Variants in APLP2 observed in about 807,000 individuals in gnomAD.
APLP2 encodes CDEI box-binding protein.
In APLP2, 53 loss-of-function variants were observed where a neutral mutation model predicts 89.9. The ratio of observed to expected loss-of-function variants is 0.59; its 90% confidence interval spans 0.47 to 0.74. The LOEUF (loss-of-function observed/expected upper bound fraction) is 0.74. Ranked by LOEUF, APLP2 falls within the 30% of genes least tolerant of loss-of-function variation. APLP2 has a pLI of 0.00. For missense variants in APLP2, 973 were observed against 975.9 expected, an observed-to-expected ratio of 1.00 and a Z score of 0.04; for synonymous variants, 372 against 348.6, an observed-to-expected ratio of 1.07 and a Z score of -0.75.
chr11:130,137,600 T>C (rs963193502), intron 13 of APLP2, among the ~76,000 whole-genome samples: 9 of 152,254 alleles, frequency 5.9e-5, no homozygotes, highest in African/African-American at 2.2e-4. Context: ...GGGTAGATTT[T>C]TAGAAGTATA....
intron 13 of APLP2, chr11:130,138,905 G>A (rs1229793646): frequency 6.6e-6 from 1 of 151,998 alleles, no homozygotes; most frequent in African/African-American, 2.4e-5. Context: ...AGTGACAGTA[G>A]ACCTTTAGTT....
chr11:130,105,594 T>C (rs1947585768), intron 1 of APLP2, among the ~76,000 whole-genome samples: 1 of 152,218 alleles, frequency 6.6e-6, no homozygotes, highest in Non-Finnish European at 1.5e-5. Context: ...AAGAAAGTTT[T>C]GCAGTTGGGG....
Position 130,122,614 on chromosome 11 carries a change from G to A in APLP2, c.922+101G>A, listed in dbSNP as rs1169125604. The A allele has an allele frequency of 5.8e-6, 9 of 1,540,586 alleles. No individual in the cohort carries two copies. In the Admixed American group the frequency reaches 1.7e-4, roughly 29 times the overall value. ...CAGGTAAGTCAGTCACAGAAGGAAA[G>A]GTGTGGTACCTCTGCACTGAAGGTG... On this transcript the variant is annotated intron_variant, in intron 6 of 16. Coordinates refer to ENST00000338167, the MANE Select transcript of APLP2 (RefSeq NM_001142276.2).
At chr11:130,132,604 C>G (rs1369437422) in intron 11 of APLP2, among the ~76,000 whole-genome samples, 1 of 134,114 alleles carries the variant, frequency 7.5e-6, no homozygotes, top group Non-Finnish European at 1.6e-5. Flanking sequence ...TTCTAATGGC[C>G]TTTTTTTTTT....
At chr11:130,139,035 G>A (rs1439563246) in intron 13 of APLP2, 1 of 152,162 alleles carries the variant, frequency 6.6e-6, no homozygotes, top group African/African-American at 2.4e-5. Flanking sequence ...TTGGTCATAA[G>A]CATCCTTGCT....
At chr11:130,087,681 A>T (rs1944334000) in intron 1 of APLP2, among the ~76,000 whole-genome samples, 1 of 152,246 alleles carries the variant, frequency 6.6e-6, no homozygotes, top group Non-Finnish European at 1.5e-5. Context: ...ATTTCATAGC[A>T]GAATGGCCCT....
At chr11:130,098,876 A>T (rs565357615) in intron 1 of APLP2, among the ~76,000 whole-genome samples, 8 of 152,290 alleles carry the variant, frequency 5.3e-5, no homozygotes, top group Middle Eastern at 3.4e-3. Context: ...TATTTCTGTC[A>T]TCTGAATCAA....
Position 130,120,762 on chromosome 11 carries a change from A to G in APLP2, c.460A>G (p.Lys154Glu), listed in dbSNP as rs1225043398. The G allele has an allele frequency of 8.1e-6, 13 of 1,613,972 alleles. No individual in the cohort carries two copies. The highest frequency in any genetic ancestry group is 1.0e-5 in the Non-Finnish European group (12 of 1,179,886). The stretch of plus-strand genomic sequence containing the variant: ...TCCAGAAAAGTGCCAGTTTTTCCAC[A>G]AAGAGCGGATGGAGGTGTGTGAGAA... ...LVPEKCQFFH[K>E]ERMEVCENHQ... The change falls in exon 4 of 17, where the codon AAA becomes GAA. Residue 154 changes from lysine (K) to glutamate (E), a missense_variant. By Grantham distance (56) the Lys-to-Glu change is moderately conservative. Transcript: ENST00000338167.
At position 130,071,013 on chromosome 11, in the gene APLP2, A is replaced by G. The variant is rs1235419853; in HGVS notation, c.105+931A>G. ...GGAGGAGCCCTGCTGTGGCCGAGGG[A>G]GACGGCGAGCTTGATCTTTACTTCC... On this transcript the variant is annotated intron_variant, in intron 1 of 16. Coordinates refer to ENST00000338167, the MANE Select transcript of APLP2 (RefSeq NM_001142276.2). Among the ~76,000 whole-genome samples, 5 of 152,192 alleles carry G rather than the reference A, an allele frequency of 3.3e-5. No homozygotes were observed. In the East Asian group the frequency reaches 9.6e-4, roughly 29 times the overall value.
chr11:130,127,765 G>A lies in APLP2; in HGVS notation c.1222-1G>A. The A allele has an allele frequency of 6.2e-7, 1 of 1,614,064 alleles. No individual in the cohort carries two copies. Among genetic ancestry groups the A allele is most frequent in the Non-Finnish European group, 8.5e-7 (1 of 1,179,964 alleles). On this transcript the variant is annotated splice_acceptor_variant, in intron 8 of 16. Transcript: ENST00000338167. LOFTEE classifies it high-confidence loss of function. ...GACGGCGTTTTTGACCTTTGTTCTA[G>A]GTAAAGAAGGAATGGGAAGAGGCAG...
At chr11:130,130,341 T>C (rs1020460332) in intron 11 of APLP2, among the ~76,000 whole-genome samples, 175 bp downstream of exon 11, 1 of 152,272 alleles carries the variant, frequency 6.6e-6, no homozygotes, top group African/African-American at 2.4e-5. Flanking sequence ...GGTCACTGTT[T>C]TTAAAACATC....
chr11:130,116,526 C>G (rs1591817214), intron 3 of APLP2, among the ~76,000 whole-genome samples: 1 of 152,210 alleles, frequency 6.6e-6, no homozygotes, highest in East Asian at 1.9e-4. Flanking sequence ...GTCGCCGTCA[C>G]CCAGGCTGGA....
intron 1 of APLP2, chr11:130,070,896 G>C (rs1245363139): frequency 2.0e-6 from 1 of 507,876 alleles, no homozygotes; most frequent in Non-Finnish European, 2.6e-6. Flanking sequence ...CCCGCTGCGA[G>C]AAAGGCGAAG....
chr11:130,090,267 TTAA>T (rs1944733752), intron 1 of APLP2, among the ~76,000 whole-genome samples: 2 of 143,450 alleles, frequency 1.4e-5, no homozygotes, highest in Non-Finnish European at 3.0e-5. Flanking sequence ...TTTTTTTTTT[TTAA>T]ATTTATTTTT....
chr11:130,133,765 C>T (rs891695355), intron 12 of APLP2, 37 bp downstream of exon 12: 1 of 1,505,278 alleles, frequency 6.6e-7, no homozygotes, highest in Admixed American at 1.7e-5. Context: ...TCATACGGGA[C>T]TTCTTGCAGA....
At chr11:130,133,603 C>T in intron 11 of APLP2, 26 bp from the exon 12 acceptor site, 1 of 1,580,214 alleles carries the variant, frequency 6.3e-7, no homozygotes, top group African/African-American at 1.3e-5. Flanking sequence ...AGTCACAACA[C>T]CTCTCCACCA....
At chr11:130,092,698 G>A (rs1365844127) in intron 1 of APLP2, among the ~76,000 whole-genome samples, 1 of 111,910 alleles carries the variant, frequency 8.9e-6, no homozygotes, top group African/African-American at 4.5e-5. Context: ...GAGGGAGACC[G>A]TGGGGGGAGG....
At chr11:130,135,881 G>A (rs1185868043) in intron 13 of APLP2, among the ~76,000 whole-genome samples, 166 bp downstream of exon 13, 1 of 152,208 alleles carries the variant, frequency 6.6e-6, no homozygotes, top group African/African-American at 2.4e-5. Flanking sequence ...CAAGGACCCT[G>A]CTAGATGCTT....
chr11:130,071,188 CATTA>C (rs1262590798), intron 1 of APLP2, among the ~76,000 whole-genome samples: 8 of 150,348 alleles, frequency 5.3e-5, no homozygotes, highest in African/African-American at 1.8e-4. Context: ...TTTGATTGGG[CATTA>C]ATTGAGAGCT....
Sources: allele counts gnomAD v4.1 joint callset (sites outside exome capture counted in the v4.1 genomes callset), GRCh38; gene constraint gnomAD v4.1.1; transcripts MANE v1.5; gene names NCBI Gene and HGNC (gene_info 2026-07-23, HGNC 2026-07-21).